The following RNF213 variants were observed in gnomAD, a reference collection of about 807,000 sequenced individuals.
The protein encoded by RNF213 is E3 ubiquitin-protein ligase RNF213.
RNF213 carries 341 observed loss-of-function variants against 514.4 expected under a neutral mutation model. That is an observed-to-expected ratio of 0.66 (90% CI 0.61 to 0.73). The LOEUF (loss-of-function observed/expected upper bound fraction) is 0.73. RNF213 is among the 30% of genes least tolerant of loss of function. The pLI, the probability that RNF213 is intolerant of heterozygous loss-of-function variation, is 0.00. For synonymous variants in RNF213, 2,655 were observed against 2,658.2 expected (o/e 1.00, Z 0.04); for missense variants, 5,767 against 6,615.6 (o/e 0.87, Z 4.45).
In RNF213 at chr17:80,348,016, G is replaced by A. The variant is rs545512150; in HGVS notation, c.9681G>A (p.Ala3227=). The change falls in exon 29 of 68, where the codon GCG becomes GCA. Residue 3227 remains alanine (A), a synonymous_variant. Coordinates refer to ENST00000582970, the MANE Select transcript of RNF213 (RefSeq NM_001256071.3). ...VFIGYHSDAC[A]SVVLQVIERQ... ...TCGGCTACCACTCGGACGCCTGCGC[G>A]TCTGTGGTGCTGCAGGTCATAGAGA... The A allele has an allele frequency of 1.8e-5, 29 of 1,614,218 alleles. No individual in the cohort carries two copies. Among genetic ancestry groups the A allele is most frequent in the Admixed American group, 6.7e-5 (4 of 60,030 alleles).
intron 57 of RNF213, 182 bp downstream of exon 57, chr17:80,381,909 GA>G: frequency 7.6e-6 from 5 of 654,378 alleles, no homozygotes; most frequent in South Asian, 5.5e-5. Context: ...CCTGGGGCTG[GA>G]AAAAGGAAGC....
chr17:80,385,305 C>A, intron 60 of RNF213, 134 bp downstream of exon 60: 1 of 1,157,570 alleles, frequency 8.6e-7, no homozygotes, highest in Non-Finnish European at 1.3e-6. Flanking sequence ...CCTTACCATG[C>A]GGTGAAGGGT....
chr17:80,325,677 C>CA (rs11431001), intron 18 of RNF213, among the ~76,000 whole-genome samples: 105,191 of 151,502 alleles, frequency 0.69, 37,762 homozygotes, highest in African/African-American at 0.87. Context: ...TCTGATTTCC[C>CA]CCCAGCCCCC....
chr17:80,273,411 G>A lies in RNF213; in HGVS notation c.261+7G>A. 1 of 1,611,894 alleles carries A rather than the reference G, an allele frequency of 6.2e-7. No homozygotes were observed. Among genetic ancestry groups the A allele is most frequent in the Non-Finnish European group, 8.5e-7 (1 of 1,179,830 alleles). Reference sequence around the variant, plus strand: ...CTCCTGGACCGTCCAAGAAGTGAGTGCACTGCCTCGGCTCCCCTCCGCCCC... The same window carrying A: ...CTCCTGGACCGTCCAAGAAGTGAGTACACTGCCTCGGCTCCCCTCCGCCCC... On this transcript the variant is annotated splice_region_variant and intron_variant, in intron 3 of 67. Transcript: ENST00000582970.
At chr17:80,369,134 C>T (rs766835043) in intron 44 of RNF213, among the ~76,000 whole-genome samples, 10 of 152,298 alleles carry the variant, frequency 6.6e-5, no homozygotes, top group African/African-American at 9.6e-5. Flanking sequence ...CATGGTGGCT[C>T]ACGCCTGTAA....
intron 13 of RNF213, among the ~76,000 whole-genome samples, chr17:80,307,843 C>A (rs1003905405): frequency 6.2e-5 from 9 of 145,964 alleles, no homozygotes; most frequent in Non-Finnish European, 8.9e-5. Flanking sequence ...AGCCACCATG[C>A]CTGGCCGTCT....
In RNF213 at chr17:80,302,064, C is replaced by T. The variant is rs529086514; in HGVS notation, c.2210+3546C>T. On this transcript the variant is annotated intron_variant, in intron 11 of 67. Transcript: ENST00000582970. ...GAAATACTGCATATTCCCACTCATA[C>T]GTGGATGTGAAAAGAGTTGATCTTC... Among the ~76,000 whole-genome samples, 8 of 152,180 alleles carry T rather than the reference C, an allele frequency of 5.3e-5. No homozygotes were observed. In the South Asian group the frequency reaches 6.2e-4, roughly 12 times the overall value.
At position 80,289,534 on chromosome 17, in the gene RNF213, G is replaced by A; in HGVS notation, c.934-125G>A. On this transcript the variant is annotated intron_variant, in intron 5 of 67. Transcript: ENST00000582970. ...GAGCCTGGGAGGCGGAGGTTGCAGTGAGCTGAGATCGCAGTACTGCACTCC... is the reference window on the plus strand; with the variant it reads ...GAGCCTGGGAGGCGGAGGTTGCAGTAAGCTGAGATCGCAGTACTGCACTCC... 5 of 1,018,170 alleles carry A rather than the reference G, an allele frequency of 4.9e-6. No individual in the cohort carries two copies. In the South Asian group the frequency reaches 7.4e-5, roughly 15 times the overall value. The allele number at this position is 1,018,170 out of a possible 1,614,324, so 63.1% of individuals were successfully genotyped here.
rs9908287 is a variant in RNF213 at position 80,332,508 on chromosome 17, C to G, written c.4020C>G (p.Val1340=). 938,147 of 1,536,756 alleles carry G rather than the reference C, an allele frequency of 0.61. 291,484 individuals are homozygous for G. Among genetic ancestry groups the G allele is most frequent in the Non-Finnish European group, 0.64 (733,262 of 1,146,630 alleles). The part of the protein sequence containing the change: ...QDQRDWIKDR[V]EQIKEYHHLH... ...AAAGAGATTGGATCAAGGACCGAGTCGAACAGATCAAGGAATACCATCACC... is the reference window on the plus strand; with the variant it reads ...AAAGAGATTGGATCAAGGACCGAGTGGAACAGATCAAGGAATACCATCACC... Residue 1340 remains valine (V), a synonymous_variant, in exon 21 of 68, where the codon GTC becomes GTG. Transcript: ENST00000582970.
chr17:80,386,918 T>A (rs1204411294), intron 63 of RNF213, 27 bp downstream of exon 63: 1 of 1,589,570 alleles, frequency 6.3e-7, no homozygotes. Context: ...CCACTGCTGC[T>A]CATTTGGTGT....
chr17:80,340,609 G>GTTTTTTTTTTT (rs747785477), intron 26 of RNF213: 1 of 121,938 alleles, frequency 8.2e-6, no homozygotes, highest in Non-Finnish European at 1.4e-5. Flanking sequence ...GTACTTTGTG[G>GTTTTTTTTTTT]TTTTTTTTTT....
chr17:80,319,570 T>C lies in RNF213; in HGVS notation c.3024+258T>C, dbSNP rs1381483762. 1.6e-5 allele frequency: 25 copies of C among 1,599,084 alleles called. No homozygotes were observed. The African/African-American group carries it at 2.8e-4, about 18-fold the overall frequency. ...ATATGGAATCACGGCCGTGCGCGTG[T>C]GGCACAAGTCACACGGGCTTGCAGG... On this transcript the variant is annotated intron_variant, in intron 17 of 67. Transcript: ENST00000582970.
rs141011780 is a variant in RNF213, at chr17:80,315,147, A to G, written c.2811+1980A>G. Among the ~76,000 whole-genome samples, 4 of 3,446 alleles carry G rather than the reference A, an allele frequency of 1.2e-3. 1 individual carries two copies. The highest frequency in any genetic ancestry group is 1.9e-3 in the Non-Finnish European group (4 of 2,078). 2.3% of individuals were successfully genotyped at this position (3,446 alleles called of 152,430 possible). A position where few individuals can be genotyped will look rare whatever the true frequency, so the allele number is the denominator to read the frequency against. ...GGAGGTACTGGAGGTGATGGTGGTAAAGGTGATGGTGGAGGTAATGGAGGT... is the reference window on the plus strand; with the variant it reads ...GGAGGTACTGGAGGTGATGGTGGTAGAGGTGATGGTGGAGGTAATGGAGGT... On this transcript the variant is annotated intron_variant, in intron 15 of 67. Coordinates refer to ENST00000582970, the MANE Select transcript of RNF213 (RefSeq NM_001256071.3).
At position 80,386,820 on chromosome 17, in the gene RNF213, T is replaced by C; in HGVS notation, c.14851T>C (p.Phe4951Leu). The C allele has an allele frequency of 6.2e-7, 1 of 1,614,104 alleles. No homozygotes were observed. The highest frequency in any genetic ancestry group is 1.1e-5 in the South Asian group (1 of 91,084). ...GGAGGGCAGAGAGACCGTGCAGGAG[T>C]TCGATCTGGAGAAGATTCAGCGGCA... Reference protein sequence around the residue: ...VEEGRETVQEFDLEKIQRQIV... With the variant: ...VEEGRETVQELDLEKIQRQIV... The change falls in exon 63 of 68, where the codon TTC (phenylalanine) becomes CTC (leucine). Residue 4951 changes from phenylalanine to leucine, a missense_variant. Coordinates refer to ENST00000582970, the MANE Select transcript of RNF213 (RefSeq NM_001256071.3).
chr17:80,332,538 C>T lies in RNF213; in HGVS notation c.4050C>T (p.His1350=). 1 of 1,536,532 alleles carries T rather than the reference C, an allele frequency of 6.5e-7. No homozygotes were observed. The highest frequency in any genetic ancestry group is 8.7e-7 in the Non-Finnish European group (1 of 1,146,300). The part of the protein sequence containing the change: ...VEQIKEYHHL[H]QAVHAAKVIL... ...AGATCAAGGAATACCATCACCTGCA[C>T]CAGGCTGTCCACGCAGCCAAGGTCA... is the stretch of plus-strand genomic sequence containing the variant. Residue 1350 remains histidine (H), a synonymous_variant, in exon 21 of 68, where the codon CAC becomes CAT. Coordinates refer to ENST00000582970, the MANE Select transcript of RNF213 (RefSeq NM_001256071.3).
rs2079003960 is a variant in RNF213 at position 80,360,225 on chromosome 17, A to T, written c.11200+19A>T. ...GCAGAAGGTGAGGCTACCTCAAGAC[A>T]GGTCAGATTCAGCACAGGTGAATCA... On this transcript the variant is annotated intron_variant, in intron 38 of 67. Transcript: ENST00000582970. 1.2e-6 allele frequency: 2 copies of T among 1,607,610 alleles called. No homozygotes were observed. The highest frequency in any genetic ancestry group is 2.7e-5 in the African/African-American group (2 of 74,782).
In RNF213 at chr17:80,368,038, GCCTGCGCTGC is replaced by G; in HGVS notation, c.12052_12061del (p.Leu4018SerfsTer10). ...TGTCTGCCCTGCGACCACGTGCACT[GCCTGCGCTGC>G]CTCAGGGCCTGGTTTGCCTCAGAGC... On this transcript the variant is annotated frameshift_variant, in exon 44 of 68. Coordinates refer to ENST00000582970, the MANE Select transcript of RNF213 (RefSeq NM_001256071.3). LOFTEE classifies it high-confidence loss of function. The G allele has an allele frequency of 6.2e-7, 1 of 1,614,258 alleles. No individual in the cohort carries two copies. Among genetic ancestry groups the G allele is most frequent in the Non-Finnish European group, 8.5e-7 (1 of 1,180,048 alleles).
At chr17:80,302,932 A>T (rs2045230617) in intron 11 of RNF213, among the ~76,000 whole-genome samples, 1 of 152,230 alleles carries the variant, frequency 6.6e-6, no homozygotes, top group Admixed American at 6.5e-5. Flanking sequence ...TATTTAATAG[A>T]ACAGTCATAA....
At chr17:80,282,314 C>T (rs1290058577) in intron 3 of RNF213, among the ~76,000 whole-genome samples, 1 of 152,164 alleles carries the variant, frequency 6.6e-6, no homozygotes, top group Admixed American at 6.6e-5. Flanking sequence ...CCAGTATTTT[C>T]TGTCTGTGGT....
Sources: gnomAD v4.1 joint callset for allele counts (sites outside exome capture counted in the v4.1 genomes callset) on GRCh38, gnomAD v4.1.1 for gene constraint, MANE v1.5 for transcripts, NCBI Gene and HGNC (gene_info 2026-07-23, HGNC 2026-07-21) for gene names.